The following NRP1 variants were observed in gnomAD, a reference collection of about 807,000 sequenced individuals.
NRP1 encodes neuropilin-1.
In NRP1, 35 loss-of-function variants were observed where a neutral mutation model predicts 106.7. The observed-to-expected ratio is 0.33, with a 90% CI of 0.25 to 0.43. The LOEUF (loss-of-function observed/expected upper bound fraction) is 0.43. Among genes scored for constraint, NRP1 ranks in the 20% least tolerant of loss-of-function variants. NRP1 has a pLI of 1.00. For missense variants in NRP1, 1,024 were observed against 1,170.4 expected (o/e 0.87, Z 1.83); for synonymous variants, 437 against 417.9 (o/e 1.05, Z -0.56).
intron 6 of NRP1, among the ~76,000 whole-genome samples, chr10:33,249,084 G>GTT (rs750905931): frequency 0.074 from 5,367 of 72,178 alleles, 1,407 homozygotes; most frequent in African/African-American, 0.28. Context: ...TATGTCTCTT[G>GTT]TTTTTTTTTT....
chr10:33,219,379 T>C (rs1397386061), intron 8 of NRP1, among the ~76,000 whole-genome samples: 1 of 152,212 alleles, frequency 6.6e-6, no homozygotes, highest in Non-Finnish European at 1.5e-5. Context: ...CATGTGACTA[T>C]CGTAACGTGT....
chr10:33,305,315 C>A (rs779816350), intron 2 of NRP1, among the ~76,000 whole-genome samples: 1 of 152,118 alleles, frequency 6.6e-6, no homozygotes, highest in Non-Finnish European at 1.5e-5. Flanking sequence ...TGTTGGAAAC[C>A]TTTTCATGGT....
chr10:33,205,566 A>C (rs545069890), intron 10 of NRP1: 22 of 152,512 alleles, frequency 1.4e-4, no homozygotes, highest in African/African-American at 4.1e-4. Flanking sequence ...GAAAAGGGGC[A>C]GGTGCTCATT....
At chr10:33,218,133 T>C (rs17503755) in intron 8 of NRP1, among the ~76,000 whole-genome samples, 5,289 of 152,266 alleles carry the variant, frequency 0.035, 125 homozygotes, top group Non-Finnish European at 0.052. Context: ...TAACAGAAGA[T>C]AGCAGAGTTC....
chr10:33,305,711 TATG>T (rs1478509899), intron 2 of NRP1, among the ~76,000 whole-genome samples: 2 of 151,764 alleles, frequency 1.3e-5, no homozygotes, highest in East Asian at 3.9e-4. Context: ...ACTAAAAGTC[TATG>T]ATAACGGGAA....
At chr10:33,212,991 G>T in intron 9 of NRP1, 1 of 512,984 alleles carries the variant, frequency 1.9e-6, no homozygotes, top group East Asian at 3.2e-5. Flanking sequence ...ATTTATAAAA[G>T]AAACAAAGCA....
At chr10:33,319,402 G>A (rs1217633014) in intron 2 of NRP1, among the ~76,000 whole-genome samples, 1 of 151,996 alleles carries the variant, frequency 6.6e-6, no homozygotes, top group Non-Finnish European at 1.5e-5. Context: ...CTAGAGGTTT[G>A]TAAAATGGAC....
intron 2 of NRP1, 139 bp from the exon 3 acceptor site, chr10:33,270,995 T>C (rs536017572): frequency 3.2e-6 from 2 of 621,152 alleles, no homozygotes; most frequent in South Asian, 6.2e-5. Flanking sequence ...CTGCATTAAA[T>C]GGAGGGAAAA....
At chr10:33,200,813 A>G (rs1440869860) in intron 11 of NRP1, among the ~76,000 whole-genome samples, 1 of 152,214 alleles carries the variant, frequency 6.6e-6, no homozygotes, top group Non-Finnish European at 1.5e-5. Context: ...AAAGAATAGC[A>G]AATGGTTTTG....
chr10:33,271,127 C>A (rs1377636951), intron 2 of NRP1, among the ~76,000 whole-genome samples: 1 of 152,004 alleles, frequency 6.6e-6, no homozygotes, highest in East Asian at 1.9e-4. Flanking sequence ...GTTAAAGTAA[C>A]CAATTAAAAA....
chr10:33,214,924 C>A (rs150555966), intron 8 of NRP1, among the ~76,000 whole-genome samples: 1 of 152,078 alleles, frequency 6.6e-6, no homozygotes, highest in African/African-American at 2.4e-5. Flanking sequence ...GTACTTAATG[C>A]GACAGAATTG....
At position 33,333,538 on chromosome 10, in the gene NRP1, A is replaced by T. The variant is rs146215935; in HGVS notation, c.73+772T>A. On this transcript the variant is annotated intron_variant, in intron 1 of 16. Transcript: ENST00000374867. The stretch of plus-strand genomic sequence containing the variant: ...ATAACAATTGCTGACGACTTACTGT[A>T]AAGATAATTGCATACCCTTGCCTGC... 2.6e-3 allele frequency among the ~76,000 whole-genome samples: 399 copies of T among 152,356 alleles called. 2 individuals are homozygous for T. The highest frequency in any genetic ancestry group is 9.2e-3 in the African/African-American group (383 of 41,582).
intron 2 of NRP1, among the ~76,000 whole-genome samples, chr10:33,273,481 A>G (rs1843460628): frequency 1.3e-5 from 2 of 152,162 alleles, no homozygotes; most frequent in African/African-American, 4.8e-5. Flanking sequence ...TAAACGTGTC[A>G]CCACTGCAAC....
chr10:33,237,480 T>TGCGC lies in NRP1; in HGVS notation c.982-11195_982-11192dup, dbSNP rs143172801. 3.8e-3 allele frequency among the ~76,000 whole-genome samples: 498 copies of TGCGC among 132,150 alleles called. 2 individuals carry two copies. The highest frequency in any genetic ancestry group is 5.3e-3 in the Non-Finnish European group (340 of 63,704). 86.7% of individuals were successfully genotyped at this position (132,150 alleles called of 152,430 possible). A position where few individuals can be genotyped will look rare whatever the true frequency, so the allele number is the denominator to read the frequency against. ...GAACTAACGGCAGAAGAAACACACA[T>TGCGC]GCGCGCGCACACACACACACACACA... On this transcript the variant is annotated intron_variant, in intron 6 of 16. Coordinates refer to ENST00000374867, the MANE Select transcript of NRP1 (RefSeq NM_003873.7).
chr10:33,205,663 G>A (rs1211951494), intron 10 of NRP1: 4 of 153,256 alleles, frequency 2.6e-5, no homozygotes, highest in African/African-American at 4.8e-5. Flanking sequence ...GACAGGATGA[G>A]CCAGTTTATC....
intron 9 of NRP1, 149 bp downstream of exon 9, chr10:33,213,237 G>T: frequency 6.3e-7 from 1 of 1,585,728 alleles, no homozygotes. Flanking sequence ...TGTCTTCCTA[G>T]AATCAAGGGT....
chr10:33,291,822 T>C (rs943483196), intron 2 of NRP1, among the ~76,000 whole-genome samples: 19 of 152,226 alleles, frequency 1.2e-4, no homozygotes, highest in Admixed American at 1.1e-3. Context: ...AATATATCCT[T>C]ATTTTCAAAT....
intron 2 of NRP1, among the ~76,000 whole-genome samples, chr10:33,306,385 T>TGTGTGC (rs151172200): frequency 1.3e-5 from 2 of 150,986 alleles, no homozygotes; most frequent in Non-Finnish European, 3.0e-5. Context: ...TGTGTGTGTG[T>TGTGTGC]GCACGCTCCT....
chr10:33,188,220 T>C lies in NRP1; in HGVS notation c.2063-1732A>G, dbSNP rs1836146226. 6.6e-5 allele frequency among the ~76,000 whole-genome samples: 10 copies of C among 152,158 alleles called. No individual in the cohort carries two copies. The South Asian group carries it at 2.1e-3, about 32-fold the overall frequency. On this transcript the variant is annotated intron_variant, in intron 13 of 16. Coordinates refer to ENST00000374867, the MANE Select transcript of NRP1 (RefSeq NM_003873.7). Reference sequence around the variant, plus strand: ...ACGGAAAAAAGACTGAAATTGGCAATGCTGCTGCCATGTCTTAATCCCACT... The same window carrying C: ...ACGGAAAAAAGACTGAAATTGGCAACGCTGCTGCCATGTCTTAATCCCACT...
Sources: gnomAD v4.1 joint callset for allele counts (sites outside exome capture counted in the v4.1 genomes callset) on GRCh38, gnomAD v4.1.1 for gene constraint, MANE v1.5 for transcripts, NCBI Gene and HGNC (gene_info 2026-07-23, HGNC 2026-07-21) for gene names.